Variants in FARS2 observed in about 807,000 individuals in gnomAD.
FARS2 encodes phenylalanine--tRNA ligase, mitochondrial.
A neutral mutation model predicts 46.4 loss-of-function variants in FARS2; 40 were observed. The ratio of observed to expected loss-of-function variants is 0.86; its 90% confidence interval spans 0.67 to 1.12. The LOEUF (loss-of-function observed/expected upper bound fraction) is 1.12, where lower values mean the gene tolerates loss of function less well. Among genes scored for constraint, FARS2 ranks in the 50% most tolerant of loss-of-function variants. The probability of loss-of-function intolerance (pLI) is 0.00; values close to 1 mark genes in which losing one functional copy is unlikely to be tolerated. For synonymous variants in FARS2, 234 were observed against 214.9 expected (o/e 1.09, Z -0.78); for missense variants, 513 against 567.9 (o/e 0.90, Z 0.98).
chr6:5,259,742 C>T (rs1398649173), upstream of FARS2, among the ~76,000 whole-genome samples: 1 of 152,082 alleles, frequency 6.6e-6, no homozygotes, highest in African/African-American at 2.4e-5. Flanking sequence ...GTTGATCCAA[C>T]CAGATTCTTT....
intron 2 of FARS2, among the ~76,000 whole-genome samples, chr6:5,398,868 T>A (rs935981973): frequency 2.8e-4 from 43 of 152,298 alleles, no homozygotes; most frequent in African/African-American, 1.0e-3. Flanking sequence ...AGTCCTGGAA[T>A]GAACATAAAG....
intron 5 of FARS2, among the ~76,000 whole-genome samples, chr6:5,566,946 A>G (rs752917596): frequency 6.6e-6 from 1 of 152,260 alleles, no homozygotes; most frequent in Non-Finnish European, 1.5e-5. Flanking sequence ...TGTCACTGAG[A>G]CAGTGAAAGA....
chr6:5,732,187 C>T (rs1015194711), intron 6 of FARS2, among the ~76,000 whole-genome samples: 7 of 152,170 alleles, frequency 4.6e-5, no homozygotes, highest in African/African-American at 1.7e-4. Flanking sequence ...GCTGGGGACA[C>T]AAAAGTGAAT....
intron 5 of FARS2, among the ~76,000 whole-genome samples, chr6:5,611,965 C>T (rs1239150354): frequency 6.6e-6 from 1 of 152,182 alleles, no homozygotes; most frequent in East Asian, 1.9e-4. Context: ...AAAGGGAAAA[C>T]AACCTGTGTA....
chr6:5,570,701 G>T (rs796949058), intron 5 of FARS2, among the ~76,000 whole-genome samples: 10 of 152,302 alleles, frequency 6.6e-5, no homozygotes, highest in Middle Eastern at 3.4e-3. Context: ...ATGCCTCTGG[G>T]CACAGAACCA....
At chr6:5,250,529 A>C in the FARS2 span, among the ~76,000 whole-genome samples, 1 of 151,846 alleles carries the variant, frequency 6.6e-6, no homozygotes, top group African/African-American at 2.4e-5. Flanking sequence ...AAGAGAAAAA[A>C]ATGTTTTTTG....
chr6:5,464,949 G>A (rs1765434449), intron 4 of FARS2, among the ~76,000 whole-genome samples: 1 of 152,186 alleles, frequency 6.6e-6, no homozygotes, highest in Non-Finnish European at 1.5e-5. Context: ...GGAGTCGTGC[G>A]GGCTGCAGCA....
At chr6:5,634,749 C>T (rs1776461206) in intron 6 of FARS2, among the ~76,000 whole-genome samples, 1 of 152,210 alleles carries the variant, frequency 6.6e-6, no homozygotes, top group South Asian at 2.1e-4. Flanking sequence ...ACGTGGCAAT[C>T]CCCTAGTCCC....
chr6:5,408,344 G>T (rs924131376), intron 3 of FARS2, among the ~76,000 whole-genome samples: 53 of 152,130 alleles, frequency 3.5e-4, no homozygotes, highest in Non-Finnish European at 5.9e-4. Flanking sequence ...AGGTGGGGGG[G>T]CAGAAGAATG....
chr6:5,756,221 G>A (rs1300257527), intron 6 of FARS2, among the ~76,000 whole-genome samples: 1 of 152,174 alleles, frequency 6.6e-6, no homozygotes, highest in Non-Finnish European at 1.5e-5. Flanking sequence ...GCTGTGGTTT[G>A]TGTTATTTAC....
chr6:5,768,998 AT>A (rs928329425), intron 6 of FARS2, among the ~76,000 whole-genome samples: 1 of 151,754 alleles, frequency 6.6e-6, no homozygotes. Flanking sequence ...CAAGTTTATC[AT>A]TTTTTTTAAT....
chr6:5,391,172 A>T (rs1760486267), intron 2 of FARS2, among the ~76,000 whole-genome samples: 1 of 152,158 alleles, frequency 6.6e-6, no homozygotes, highest in Non-Finnish European at 1.5e-5. Flanking sequence ...ACTGAAGCTG[A>T]AGAGAGTGAT....
intron 4 of FARS2, among the ~76,000 whole-genome samples, chr6:5,479,473 G>A (rs989660350): frequency 6.6e-6 from 1 of 152,160 alleles, no homozygotes; most frequent in African/African-American, 2.4e-5. Context: ...ACCCAGGACA[G>A]CAAAGTCTCC....
intron 1 of FARS2, among the ~76,000 whole-genome samples, chr6:5,290,793 T>A (rs1489549307): frequency 6.6e-6 from 1 of 152,206 alleles, no homozygotes; most frequent in Admixed American, 6.5e-5. Flanking sequence ...CAATCATGGG[T>A]CACTGTAGCC....
At chr6:5,684,399 A>C (rs1309784609) in intron 6 of FARS2, among the ~76,000 whole-genome samples, 1 of 152,186 alleles carries the variant, frequency 6.6e-6, no homozygotes, top group Non-Finnish European at 1.5e-5. Flanking sequence ...CCAAGGGATG[A>C]TGTCCTTATG....
At chr6:5,766,866 C>G (rs1255146174) in intron 6 of FARS2, among the ~76,000 whole-genome samples, 1 of 151,800 alleles carries the variant, frequency 6.6e-6, no homozygotes, top group South Asian at 2.1e-4. Context: ...TCTATAGATT[C>G]CCCTTTTCTG....
At position 5,424,525 on chromosome 6, in the gene FARS2, C is replaced by T. The variant is rs569840981; in HGVS notation, c.773-6516C>T. On this transcript the variant is annotated intron_variant, in intron 3 of 6. Coordinates refer to ENST00000274680, the MANE Select transcript of FARS2 (RefSeq NM_006567.5). Reference sequence around the variant, plus strand: ...CAGACACATCATTCAGTGAAAAAAGCGTGGTGCCGAATAAAGTACACACTA... The same window carrying T: ...CAGACACATCATTCAGTGAAAAAAGTGTGGTGCCGAATAAAGTACACACTA... Among the ~76,000 whole-genome samples, 7 of 152,174 alleles carry T rather than the reference C, an allele frequency of 4.6e-5. No homozygotes were observed. In the South Asian group the frequency reaches 6.2e-4, roughly 14 times the overall value.
At chr6:5,594,122 C>A (rs1774072291) in intron 5 of FARS2, among the ~76,000 whole-genome samples, 2 of 151,116 alleles carry the variant, frequency 1.3e-5, no homozygotes, top group Non-Finnish European at 3.0e-5. Flanking sequence ...GCATGTAGGC[C>A]TAGGATCTTT....
intron 1 of FARS2, among the ~76,000 whole-genome samples, chr6:5,285,731 C>T (rs1465016346): frequency 6.6e-6 from 1 of 152,188 alleles, no homozygotes; most frequent in African/African-American, 2.4e-5. Flanking sequence ...GGTCAAGTTT[C>T]AGTGTCTGTC....
Sources: gnomAD v4.1 joint callset for allele counts (sites outside exome capture counted in the v4.1 genomes callset) on GRCh38, gnomAD v4.1.1 for gene constraint, MANE v1.5 for transcripts, NCBI Gene and HGNC (gene_info 2026-07-23, HGNC 2026-07-21) for gene names.